The following SNX31 variants were observed in gnomAD, a reference collection of about 807,000 sequenced individuals.
The protein encoded by SNX31 is sorting nexin 31.
In SNX31, 58 loss-of-function variants were observed where a neutral mutation model predicts 65.4. That is an observed-to-expected ratio of 0.89 (90% CI 0.72 to 1.10). The LOEUF is 1.10. SNX31 is among the 50% of genes least tolerant of loss of function. The probability of loss-of-function intolerance (pLI) is 0.00; values close to 1 mark genes in which losing one functional copy is unlikely to be tolerated. For synonymous variants in SNX31, 181 were observed against 190.1 expected, an observed-to-expected ratio of 0.95 and a Z score of 0.39; for missense variants, 523 against 529.7, an observed-to-expected ratio of 0.99 and a Z score of 0.12.
In SNX31 at chr8:100,573,897, C is replaced by T. The variant is rs199975268; in HGVS notation, c.1291G>A (p.Val431Ile). Reference sequence around the variant, plus strand: ...TCTTCTTCCTTTATGTTCCCAAAAACGCAGTCATCTTTAGCTATCTTAATC... The same window carrying T: ...TCTTCTTCCTTTATGTTCCCAAAAATGCAGTCATCTTTAGCTATCTTAATC... ...SKIKIAKDDC[V>I]FGNIKEEDL Residue 431 changes from valine to isoleucine, a missense_variant, in exon 14 of 14, where the codon GTT becomes ATT. Coordinates refer to ENST00000311812, the MANE Select transcript of SNX31 (RefSeq NM_152628.4). 138 of 1,583,518 alleles carry T rather than the reference C, an allele frequency of 8.7e-5. No homozygotes were observed. The highest frequency in any genetic ancestry group is 1.1e-4 in the Non-Finnish European group (124 of 1,166,676).
At chr8:100,658,383 T>A (rs1006602980) in intron 1 of SNX31, among the ~76,000 whole-genome samples, 24 of 152,244 alleles carry the variant, frequency 1.6e-4, no homozygotes, top group Non-Finnish European at 2.9e-4. Context: ...TTTTCATTCA[T>A]GTGCAGAATG....
intron 12 of SNX31, among the ~76,000 whole-genome samples, chr8:100,582,752 C>T (rs530726015): frequency 1.4e-4 from 22 of 151,752 alleles, no homozygotes; most frequent in Non-Finnish European, 2.2e-4. Flanking sequence ...CCGAGGCGGG[C>T]GGATCATGAG....
At chr8:100,640,958 T>G (rs895596470) in intron 2 of SNX31, among the ~76,000 whole-genome samples, 2 of 152,322 alleles carry the variant, frequency 1.3e-5, no homozygotes. Flanking sequence ...TTAATAAGAA[T>G]GTATCAATAC....
chr8:100,645,503 C>A (rs1048721421), intron 2 of SNX31, among the ~76,000 whole-genome samples: 10 of 150,670 alleles, frequency 6.6e-5, no homozygotes, highest in African/African-American at 2.4e-4. Context: ...ATGGGGCATA[C>A]TTATACTAAA....
intron 10 of SNX31, among the ~76,000 whole-genome samples, chr8:100,589,962 A>C (rs1016149062): frequency 6.6e-6 from 1 of 152,228 alleles, no homozygotes; most frequent in Non-Finnish European, 1.5e-5. Context: ...ATGTTATTCC[A>C]GTCAGAGAGA....
intron 8 of SNX31, among the ~76,000 whole-genome samples, chr8:100,607,850 T>C (rs1336883853): frequency 1.3e-5 from 2 of 152,160 alleles, no homozygotes; most frequent in African/African-American, 4.8e-5. Context: ...AATGAAGAAT[T>C]TCAAGTTGGT....
At chr8:100,585,629 G>A (rs925252405) in intron 11 of SNX31, among the ~76,000 whole-genome samples, 1 of 152,118 alleles carries the variant, frequency 6.6e-6, no homozygotes, top group Non-Finnish European at 1.5e-5. Flanking sequence ...AACAGATGGG[G>A]CATTTGTGCA....
chr8:100,654,006 GT>G (rs1431397428), upstream of SNX31, among the ~76,000 whole-genome samples: 2 of 152,088 alleles, frequency 1.3e-5, no homozygotes, highest in African/African-American at 4.8e-5. Flanking sequence ...GGTGGGTTTT[GT>G]TTTTGTTTTT....
At chr8:100,634,071 T>C in intron 3 of SNX31, among the ~76,000 whole-genome samples, 1 of 152,350 alleles carries the variant, frequency 6.6e-6, no homozygotes, top group Admixed American at 6.5e-5. Flanking sequence ...ATTATGTGTA[T>C]ACACTTTTCC....
intron 3 of SNX31, among the ~76,000 whole-genome samples, chr8:100,633,628 C>T (rs1818557701): frequency 6.6e-6 from 1 of 152,224 alleles, no homozygotes; most frequent in South Asian, 2.1e-4. Flanking sequence ...TGGTCTTGAA[C>T]TCCTGGCCTC....
At chr8:100,615,477 C>T (rs973008137) in intron 5 of SNX31, among the ~76,000 whole-genome samples, 1 of 152,158 alleles carries the variant, frequency 6.6e-6, no homozygotes, top group Admixed American at 6.5e-5. Context: ...TTCACACAGC[C>T]CTTACACAGC....
rs1358435099 is a variant in SNX31, at chr8:100,649,659, G to C, written c.-145C>G. 1 of 728,340 alleles carries C rather than the reference G, an allele frequency of 1.4e-6. No individual in the cohort carries two copies. The highest frequency in any genetic ancestry group is 1.9e-5 in the African/African-American group (1 of 52,762). The allele number at this position is 728,340 out of a possible 1,614,324, so 45.1% of individuals were successfully genotyped here. A position where few individuals can be genotyped will look rare whatever the true frequency, so the allele number is the denominator to read the frequency against. The stretch of plus-strand genomic sequence containing the variant: ...CCGGCGCCCGCTCTCGCCGGCCGGG[G>C]ACATCTACAGGTGGGGCCGGGGCCG... On this transcript the variant is annotated 5_prime_UTR_variant, in exon 1 of 14. Transcript: ENST00000311812.
upstream of SNX31, among the ~76,000 whole-genome samples, chr8:100,650,850 G>GA: frequency 7.3e-6 from 1 of 136,976 alleles, no homozygotes; most frequent in East Asian, 2.1e-4. Flanking sequence ...GTGTTTTTTT[G>GA]TTTTTTTTTT....
intron 2 of SNX31, 93 bp downstream of exon 2, chr8:100,649,181 G>T: frequency 7.8e-7 from 1 of 1,289,884 alleles, no homozygotes; most frequent in Non-Finnish European, 1.1e-6. Flanking sequence ...AAGGCCCAGT[G>T]TCTTGCCAGA....
At chr8:100,584,835 C>T (rs1315092196) in intron 11 of SNX31, among the ~76,000 whole-genome samples, 3 of 151,306 alleles carry the variant, frequency 2.0e-5, no homozygotes, top group South Asian at 2.1e-4. Flanking sequence ...CTGCAACCCC[C>T]GCCTCCTTGG....
chr8:100,617,400 C>A (rs1449348086), intron 5 of SNX31, among the ~76,000 whole-genome samples: 1 of 152,128 alleles, frequency 6.6e-6, no homozygotes. Flanking sequence ...AAAATTGGTG[C>A]CCCCAGGGAG....
chr8:100,640,661 G>T (rs1055560600), intron 2 of SNX31, among the ~76,000 whole-genome samples: 3 of 152,140 alleles, frequency 2.0e-5, no homozygotes, highest in African/African-American at 7.2e-5. Context: ...TGATTAGTGC[G>T]GCACTTTATC....
chr8:100,653,438 C>T (rs3016892), upstream of SNX31, among the ~76,000 whole-genome samples: 94,327 of 151,954 alleles, frequency 0.62, 31,438 homozygotes, highest in African/African-American at 0.87. Flanking sequence ...AGGGCAGCTC[C>T]ACATCCAATT....
chr8:100,586,518 A>T (rs961263674), intron 11 of SNX31, among the ~76,000 whole-genome samples: 1 of 152,212 alleles, frequency 6.6e-6, no homozygotes, highest in Non-Finnish European at 1.5e-5. Flanking sequence ...GAAAAATCAT[A>T]GTAAAATTTA....
Sources: allele counts gnomAD v4.1 joint callset (sites outside exome capture counted in the v4.1 genomes callset), GRCh38; gene constraint gnomAD v4.1.1; transcripts MANE v1.5; gene names NCBI Gene and HGNC (gene_info 2026-07-23, HGNC 2026-07-21).